The following MAPKAP1 variants were observed in gnomAD, a reference collection of about 807,000 sequenced individuals.
The protein encoded by MAPKAP1 is target of rapamycin complex 2 subunit MAPKAP1.
A neutral mutation model predicts 65.7 loss-of-function variants in MAPKAP1; 20 were observed. The observed-to-expected ratio is 0.30, with a 90% CI of 0.21 to 0.44. The LOEUF (loss-of-function observed/expected upper bound fraction) is 0.44, where lower values mean the gene tolerates loss of function less well. Among genes scored for constraint, MAPKAP1 ranks in the 20% least tolerant of loss-of-function variants. The pLI is 1.00. For synonymous variants in MAPKAP1, 222 were observed against 244.3 expected (o/e 0.91, Z 0.85); for missense variants, 423 against 648.0 (o/e 0.65, Z 3.77).
chr9:125,473,119 T>A (rs961395362), intron 9 of MAPKAP1, among the ~76,000 whole-genome samples: 1 of 151,494 alleles, frequency 6.6e-6, no homozygotes, highest in Admixed American at 6.6e-5. Flanking sequence ...TTAACAGAAC[T>A]TCTAGCAGTT....
chr9:125,520,295 C>T (rs761670947), intron 7 of MAPKAP1, among the ~76,000 whole-genome samples: 8 of 152,186 alleles, frequency 5.3e-5, no homozygotes, highest in Non-Finnish European at 1.2e-4. Context: ...GTCCCTATGC[C>T]TGGGTTGCTG....
At chr9:125,673,232 G>T (rs778329111) in intron 1 of MAPKAP1, among the ~76,000 whole-genome samples, 1 of 152,094 alleles carries the variant, frequency 6.6e-6, no homozygotes, top group Non-Finnish European at 1.5e-5. Flanking sequence ...TGTTGTTGTT[G>T]TTGTGTTTTT....
At position 125,576,860 on chromosome 9, in the gene MAPKAP1, G is replaced by A. The variant is rs566860962; in HGVS notation, c.671+8695C>T. 7.7e-4 allele frequency among the ~76,000 whole-genome samples: 117 copies of A among 151,906 alleles called. 1 individual carries two copies. The highest frequency in any genetic ancestry group is 7.3e-3 in the South Asian group (35 of 4,810). On this transcript the variant is annotated intron_variant, in intron 5 of 11. Transcript: ENST00000265960. ...GGCTGGAGTGCAGTGGCGTGATCTC[G>A]GCTCGTTACAACCTCCACCTCCCAG...
chr9:125,549,113 C>T (rs565305733), intron 6 of MAPKAP1, among the ~76,000 whole-genome samples: 1 of 152,336 alleles, frequency 6.6e-6, no homozygotes, highest in Admixed American at 6.5e-5. Context: ...GGTTCAACTT[C>T]CACTGTAACA....
At chr9:125,449,079 T>C (rs773855769) in intron 10 of MAPKAP1, among the ~76,000 whole-genome samples, 1 of 151,716 alleles carries the variant, frequency 6.6e-6, no homozygotes, top group Non-Finnish European at 1.5e-5. Flanking sequence ...TAAAGTTTAA[T>C]ATTCCAATTA....
chr9:125,521,665 C>T (rs1829621036), intron 7 of MAPKAP1: 3 of 1,556,272 alleles, frequency 1.9e-6, no homozygotes, highest in Non-Finnish European at 2.6e-6. Context: ...GCAAAGGTTT[C>T]TGACATCCAG....
chr9:125,696,735 C>A (rs1053478338), intron 1 of MAPKAP1, among the ~76,000 whole-genome samples: 2 of 152,120 alleles, frequency 1.3e-5, no homozygotes, highest in Non-Finnish European at 2.9e-5. Flanking sequence ...GTTTTACTTC[C>A]ACAGTCTTCC....
chr9:125,544,324 A>G (rs1452490647), intron 6 of MAPKAP1, among the ~76,000 whole-genome samples: 2 of 152,178 alleles, frequency 1.3e-5, no homozygotes, highest in East Asian at 3.9e-4. Context: ...TTTTTTTTAA[A>G]TACAGTCTAT....
chr9:125,680,723 G>A lies in MAPKAP1; in HGVS notation c.-69-8080C>T, dbSNP rs115026964. Among the ~76,000 whole-genome samples the A allele has an allele frequency of 6.9e-3, 1,055 of 152,278 alleles. 17 individuals carry two copies. The highest frequency in any genetic ancestry group is 0.023 in the African/African-American group (951 of 41,544). On this transcript the variant is annotated intron_variant, in intron 1 of 11. Transcript: ENST00000265960. ...TCATCTCAGCACTAAATGAAAAATT[G>A]TATAAATACTGGCCTGCCCCCTCCA...
chr9:125,659,571 G>A (rs990663851), intron 3 of MAPKAP1, among the ~76,000 whole-genome samples: 1 of 151,530 alleles, frequency 6.6e-6, no homozygotes, highest in Non-Finnish European at 1.5e-5. Flanking sequence ...CCTTACCTTA[G>A]GCCAGCCCTT....
intron 1 of MAPKAP1, among the ~76,000 whole-genome samples, chr9:125,700,783 C>T (rs899622135): frequency 1.3e-5 from 2 of 152,126 alleles, no homozygotes; most frequent in Admixed American, 6.5e-5. Flanking sequence ...ATCTACAAGA[C>T]CAGTATTTCT....
At chr9:125,640,919 ATTTCT>A in intron 4 of MAPKAP1, among the ~76,000 whole-genome samples, 1 of 152,370 alleles carries the variant, frequency 6.6e-6, no homozygotes, top group East Asian at 1.9e-4. Context: ...GTGTGGAAAT[ATTTCT>A]TTTAATACAT....
intron 5 of MAPKAP1, among the ~76,000 whole-genome samples, chr9:125,571,896 C>G (rs756502027): frequency 6.6e-6 from 1 of 152,062 alleles, no homozygotes; most frequent in Non-Finnish European, 1.5e-5. Flanking sequence ...GAATATCCTG[C>G]TGATCCTTTG....
At chr9:125,492,004 A>G (rs1441676278) in intron 8 of MAPKAP1, among the ~76,000 whole-genome samples, 1 of 151,058 alleles carries the variant, frequency 6.6e-6, no homozygotes, top group Non-Finnish European at 1.5e-5. Context: ...CAGCCTGAGC[A>G]ACATAGTGAG....
intron 4 of MAPKAP1, among the ~76,000 whole-genome samples, chr9:125,615,538 C>CAAAAAAAAAAAAAA (rs58426049): frequency 9.0e-6 from 1 of 110,750 alleles, no homozygotes. Context: ...ACTAAAAATA[C>CAAAAAAAAAAAAAA]AAAAAAAAAA....
intron 8 of MAPKAP1, among the ~76,000 whole-genome samples, chr9:125,504,529 A>G (rs547943394): frequency 6.6e-6 from 1 of 152,240 alleles, no homozygotes; most frequent in South Asian, 2.1e-4. Context: ...TAATCCCAGC[A>G]CTTTGGGAGG....
In MAPKAP1 at chr9:125,506,463, C is replaced by T. The variant is rs372597158; in HGVS notation, c.959-46G>A. ...GAGGAGGGGAGGAAGTCTGAAACAG[C>T]GAATTTAACATTTAAAAAACACCAC... On this transcript the variant is annotated intron_variant, in intron 7 of 11. Transcript: ENST00000265960. The T allele has an allele frequency of 5.2e-4, 773 of 1,472,604 alleles. 1 individual carries two copies. Among genetic ancestry groups the T allele is most frequent in the Non-Finnish European group, 5.7e-4 (604 of 1,051,958 alleles). 91.2% of individuals were successfully genotyped at this position (1,472,604 alleles called of 1,614,324 possible). A position where few individuals can be genotyped will look rare whatever the true frequency, so the allele number is the denominator to read the frequency against.
At chr9:125,599,345 A>T (rs1163694165) in intron 4 of MAPKAP1, among the ~76,000 whole-genome samples, 1 of 152,094 alleles carries the variant, frequency 6.6e-6, no homozygotes, top group Non-Finnish European at 1.5e-5. Context: ...TGCCAGCTAA[A>T]ATGTGTTTAT....
intron 6 of MAPKAP1, among the ~76,000 whole-genome samples, chr9:125,549,743 T>C (rs958751753): frequency 6.6e-6 from 1 of 152,076 alleles, no homozygotes; most frequent in Non-Finnish European, 1.5e-5. Context: ...CGACTGATTG[T>C]GCCAGAAAAG....
Sources: gnomAD v4.1 joint callset for allele counts (sites outside exome capture counted in the v4.1 genomes callset) on GRCh38, gnomAD v4.1.1 for gene constraint, MANE v1.5 for transcripts, NCBI Gene and HGNC (gene_info 2026-07-23, HGNC 2026-07-21) for gene names.